FOXN2: variants seen among roughly 807,000 people sequenced by gnomAD.
FOXN2 encodes forkhead box N2.
Under a neutral mutation model 41.2 loss-of-function variants are expected in FOXN2, and 19 were observed. That is an observed-to-expected ratio of 0.46 (90% CI 0.32 to 0.68). FOXN2 has a LOEUF of 0.68. Ranked by LOEUF, FOXN2 falls within the 30% of genes least tolerant of loss-of-function variation. The pLI is 0.03. For missense variants in FOXN2, 587 were observed against 509.4 expected (o/e 1.15, Z -1.47); for synonymous variants, 195 against 176.8 (o/e 1.10, Z -0.82).
In FOXN2 at chr2:48,375,346, C is replaced by T. The variant is rs1673185812; in HGVS notation, c.1199C>T (p.Ala400Val). The T allele has an allele frequency of 2.5e-6, 4 of 1,613,488 alleles. 1 individual carries two copies. The South Asian group carries it at 4.4e-5, about 18-fold the overall frequency. ...CQEIDEELKE[A>V]AGSLLHLAGI... ...GAAATTGATGAGGAGCTCAAAGAGG[C>T]AGCTGGATCTCTGCTCCACCTTGCT... The change falls in exon 7 of 7, where the codon GCA becomes GTA. Residue 400 changes from alanine to valine, a missense_variant. Ala to Val is a moderately conservative substitution (Grantham distance 64, BLOSUM62 0). Coordinates refer to ENST00000340553, the MANE Select transcript of FOXN2 (RefSeq NM_002158.4).
intron 2 of FOXN2, among the ~76,000 whole-genome samples, chr2:48,332,634 A>G (rs1572710973): frequency 6.6e-6 from 1 of 152,280 alleles, no homozygotes; most frequent in East Asian, 1.9e-4. Context: ...CTGATTTTGT[A>G]CCCTGATTTT....
chr2:48,366,802 A>G (rs1229460126), intron 5 of FOXN2, among the ~76,000 whole-genome samples: 1 of 151,964 alleles, frequency 6.6e-6, no homozygotes, highest in East Asian at 1.9e-4. Flanking sequence ...TTCAGATTGA[A>G]TAATTCTAAT....
chr2:48,357,092 TAC>T (rs1005312970), intron 3 of FOXN2, among the ~76,000 whole-genome samples: 4 of 152,152 alleles, frequency 2.6e-5, no homozygotes, highest in African/African-American at 2.4e-5. Context: ...GATTAGCAAA[TAC>T]AGAGTTTTAT....
At chr2:48,347,959 T>A (rs1256405349) in intron 3 of FOXN2, among the ~76,000 whole-genome samples, 1 of 152,188 alleles carries the variant, frequency 6.6e-6, no homozygotes, top group Non-Finnish European at 1.5e-5. Context: ...TCTCTTTTTT[T>A]AATTGCTGTC....
rs1340181395 is a variant in FOXN2 at position 48,359,122 on chromosome 2, C to A, written c.613C>A (p.Pro205Thr). 1.2e-6 allele frequency: 2 copies of A among 1,613,374 alleles called. No individual in the cohort carries two copies. Among genetic ancestry groups the A allele is most frequent in the Non-Finnish European group, 8.5e-7 (1 of 1,179,514 alleles). The change falls in exon 4 of 7, where the codon CCT becomes ACT. Residue 205 changes from proline to threonine, a missense_variant. By Grantham distance (38) the Pro-to-Thr change is conservative (BLOSUM62 -1). Coordinates refer to ENST00000340553, the MANE Select transcript of FOXN2 (RefSeq NM_002158.4). ...PNLIQALKKQPFSSASSQNGS... is the reference protein window; with the variant it reads ...PNLIQALKKQTFSSASSQNGS... ...TCTTATCCAGGCACTGAAGAAGCAA[C>A]CTTTTTCTTCAGCATCTTCACAAAA...
At chr2:48,326,015 A>T (rs915588921) in intron 1 of FOXN2, among the ~76,000 whole-genome samples, 3 of 152,000 alleles carry the variant, frequency 2.0e-5, no homozygotes, top group Non-Finnish European at 2.9e-5. Context: ...CGCCCAGCTA[A>T]TATTTGTATT....
intron 3 of FOXN2, among the ~76,000 whole-genome samples, chr2:48,357,877 A>G (rs1437310122): frequency 2.6e-5 from 4 of 151,724 alleles, no homozygotes; most frequent in African/African-American, 9.7e-5. Context: ...AAAAAAAAAA[A>G]AAAAGAAAAT....
chr2:48,358,046 C>T (rs1382561663), intron 3 of FOXN2, among the ~76,000 whole-genome samples: 1 of 152,000 alleles, frequency 6.6e-6, no homozygotes, highest in African/African-American at 2.4e-5. Context: ...TAAAAAACTG[C>T]CTTACACTCA....
intron 2 of FOXN2, among the ~76,000 whole-genome samples, chr2:48,333,308 C>T (rs1474828698): frequency 6.6e-6 from 1 of 152,026 alleles, no homozygotes; most frequent in South Asian, 2.1e-4. Context: ...TGCAGAGATA[C>T]TATAATCATA....
rs773401992 is a variant in FOXN2 at position 48,346,437 on chromosome 2, G to A, written c.223G>A (p.Gly75Arg). Residue 75 changes from glycine (G) to arginine (R), a missense_variant, in exon 3 of 7, where the codon GGA becomes AGA. By Grantham distance (125) the Gly-to-Arg change is moderately radical (BLOSUM62 -2). Coordinates refer to ENST00000340553, the MANE Select transcript of FOXN2 (RefSeq NM_002158.4). ...TAATCTTCTAACAAACTTCAGCCTC[G>A]GAAGTGAGGGTCTTCCAATTGTTAG... ...STNLLTNFSL[G>R]SEGLPIVSPL... is the part of the protein sequence containing the mutation. 6.8e-6 allele frequency: 11 copies of A among 1,613,998 alleles called. No individual in the cohort carries two copies. Among genetic ancestry groups the A allele is most frequent in the African/African-American group, 1.3e-5 (1 of 74,898 alleles).
At chr2:48,372,203 G>C (rs924144492) in intron 5 of FOXN2, among the ~76,000 whole-genome samples, 2 of 152,132 alleles carry the variant, frequency 1.3e-5, no homozygotes, top group Non-Finnish European at 2.9e-5. Context: ...AAGAGGTAAA[G>C]TATTATGTGC....
In FOXN2 at chr2:48,378,846, T is replaced by C. The variant is rs1209874523; in HGVS notation, c.*3403T>C. On this transcript the variant is annotated 3_prime_UTR_variant, in exon 7 of 7. Transcript: ENST00000340553. The stretch of plus-strand genomic sequence containing the variant: ...TTTCTTAAAGCATATTCTTTGCATC[T>C]AACTGCCAGTGCCATTGTCAAAACT... 6.6e-6 allele frequency: 1 copy of C among 152,664 alleles called. No homozygotes were observed. Among genetic ancestry groups the C allele is most frequent in the Admixed American group, 6.5e-5 (1 of 15,294 alleles). 9.5% of individuals were successfully genotyped at this position (152,664 alleles called of 1,614,324 possible). A position where few individuals can be genotyped will look rare whatever the true frequency, so the allele number is the denominator to read the frequency against.
intron 2 of FOXN2, among the ~76,000 whole-genome samples, chr2:48,333,493 A>T (rs1043863980): frequency 1.2e-4 from 18 of 152,134 alleles, no homozygotes; most frequent in African/African-American, 4.3e-4. Flanking sequence ...TCACCTGTTA[A>T]ACCACAGATA....
intron 5 of FOXN2, among the ~76,000 whole-genome samples, chr2:48,371,119 G>A (rs536366387): frequency 3.3e-5 from 5 of 152,270 alleles, no homozygotes; most frequent in Non-Finnish European, 7.4e-5. Context: ...CGGAGGGGGT[G>A]GGGCGCGGTG....
At chr2:48,326,569 C>T (rs1016785868) in intron 1 of FOXN2, among the ~76,000 whole-genome samples, 2 of 152,180 alleles carry the variant, frequency 1.3e-5, no homozygotes, top group Admixed American at 1.3e-4. Context: ...GTGCAGAACA[C>T]ACCATAGGGG....
At chr2:48,321,323 C>G (rs1483080159) in intron 1 of FOXN2, among the ~76,000 whole-genome samples, 1 of 152,122 alleles carries the variant, frequency 6.6e-6, no homozygotes, top group Non-Finnish European at 1.5e-5. Context: ...ATCACGAGGT[C>G]AGGAGATCGA....
In FOXN2 at chr2:48,375,974, CAT is replaced by C. The variant is rs1234661264; in HGVS notation, c.*533_*534del. On this transcript the variant is annotated 3_prime_UTR_variant, in exon 7 of 7. Transcript: ENST00000340553. ...TTGTTGTCGTGTGAGCAAAGACAAA[CAT>C]AAATTGAAAAACATCCTGATGTTTA... 6.6e-6 allele frequency: 1 copy of C among 152,230 alleles called. No homozygotes were observed. The highest frequency in any genetic ancestry group is 2.4e-5 in the African/African-American group (1 of 41,330). The allele number at this position is 152,230 out of a possible 1,614,324, so 9.4% of individuals were successfully genotyped here. A position where few individuals can be genotyped will look rare whatever the true frequency, so the allele number is the denominator to read the frequency against.
At position 48,362,547 on chromosome 2, in the gene FOXN2, C is replaced by T. The variant is rs558997258; in HGVS notation, c.639-96C>T. The T allele has an allele frequency of 3.2e-5, 32 of 1,010,292 alleles. No individual in the cohort carries two copies. The East Asian group carries it at 4.5e-4, about 14-fold the overall frequency. 62.6% of individuals were successfully genotyped at this position (1,010,292 alleles called of 1,614,324 possible). ...TCATGCCACTGCACTCCAGCCTGGG[C>T]GGCCAGCAGAGTGAGAGAGAACCTG... On this transcript the variant is annotated intron_variant, in intron 4 of 6. Transcript: ENST00000340553.
At chr2:48,349,619 C>A (rs1671326673) in intron 3 of FOXN2, among the ~76,000 whole-genome samples, 1 of 152,076 alleles carries the variant, frequency 6.6e-6, no homozygotes. Flanking sequence ...ACGAAAAATA[C>A]AACAAATTAG....
Sources: allele counts gnomAD v4.1 joint callset (sites outside exome capture counted in the v4.1 genomes callset), GRCh38; gene constraint gnomAD v4.1.1; transcripts MANE v1.5; gene names NCBI Gene and HGNC (gene_info 2026-07-23, HGNC 2026-07-21).